LCMT1: variants seen among roughly 807,000 people sequenced by gnomAD.
The protein encoded by LCMT1 is [Phosphatase 2A protein]-leucine-carboxy methyltransferase 1.
LCMT1 carries 32 observed loss-of-function variants against 47.7 expected under a neutral mutation model. The observed-to-expected ratio is 0.67, with a 90% CI of 0.51 to 0.90. The LOEUF is 0.90. Among genes scored for constraint, LCMT1 ranks in the 40% least tolerant of loss-of-function variants. The probability of loss-of-function intolerance (pLI) is 0.00; values close to 1 mark genes in which losing one functional copy is unlikely to be tolerated. For synonymous variants in LCMT1, 152 were observed against 149.7 expected, an observed-to-expected ratio of 1.02 and a Z score of -0.11; for missense variants, 375 against 415.2, an observed-to-expected ratio of 0.90 and a Z score of 0.84.
intron 6 of LCMT1, among the ~76,000 whole-genome samples, chr16:25,163,705 G>C (rs1317034470): frequency 6.6e-6 from 1 of 152,168 alleles, no homozygotes; most frequent in East Asian, 1.9e-4. Flanking sequence ...GGAAGCATCT[G>C]ATAGGCCACT....
Position 25,169,176 on chromosome 16 carries a change from T to C in LCMT1, c.755T>C (p.Leu252Pro), listed in dbSNP as rs776945285. 2.7e-5 allele frequency: 43 copies of C among 1,613,376 alleles called. No individual in the cohort carries two copies. The highest frequency in any genetic ancestry group is 3.5e-5 in the Non-Finnish European group (41 of 1,179,638). ...IENLRRRQCD[L>P]AGVETCKSLE... ...AACCTGCGGAGACGCCAGTGTGACC[T>C]GGCGGGAGTGGAGACCTGCAAGTCA... The change falls in exon 8 of 11, where the codon CTG becomes CCG. Residue 252 changes from leucine to proline, a missense_variant. Coordinates refer to ENST00000399069, the MANE Select transcript of LCMT1 (RefSeq NM_016309.3).
intron 4 of LCMT1, among the ~76,000 whole-genome samples, chr16:25,150,454 C>T (rs1256997033): frequency 1.4e-5 from 2 of 147,674 alleles, no homozygotes; most frequent in African/African-American, 5.0e-5. Flanking sequence ...AAGCGATTCT[C>T]CTGCCTCAGC....
At chr16:25,113,423 G>A (rs984110394) in intron 1 of LCMT1, among the ~76,000 whole-genome samples, 2 of 152,202 alleles carry the variant, frequency 1.3e-5, no homozygotes, top group African/African-American at 4.8e-5. Flanking sequence ...TATAAAGTCG[G>A]GGAAATTACT....
chr16:25,151,375 G>A, intron 4 of LCMT1, 179 bp from the exon 5 acceptor site: 4 of 605,742 alleles, frequency 6.6e-6, no homozygotes, highest in South Asian at 6.0e-5. Context: ...TACCGTATGT[G>A]CTTAGGGTCA....
rs1173228613 is a variant in LCMT1 at position 25,123,600 on chromosome 16, C to CTTTTT, written c.114-4854_114-4850dup. On this transcript the variant is annotated intron_variant, in intron 1 of 10. Coordinates refer to ENST00000399069, the MANE Select transcript of LCMT1 (RefSeq NM_016309.3). ...GCTTGACTTCCCGTTAAATTGCTTT[C>CTTTTT]TTTTTTTTTTTTTTTTTTTTTTTTT... 4.4e-3 allele frequency among the ~76,000 whole-genome samples: 279 copies of CTTTTT among 63,516 alleles called. 1 individual carries two copies. Among genetic ancestry groups the CTTTTT allele is most frequent in the East Asian group, 6.8e-3 (14 of 2,062 alleles). 41.7% of individuals were successfully genotyped at this position (63,516 alleles called of 152,430 possible).
rs1962003699 is a variant in LCMT1 at position 25,178,012 on chromosome 16, A to C, written c.994A>C (p.Ile332Leu). The C allele has an allele frequency of 1.2e-6, 2 of 1,613,604 alleles. No homozygotes were observed. Among genetic ancestry groups the C allele is most frequent in the African/African-American group, 2.7e-5 (2 of 74,860 alleles). Residue 332 changes from isoleucine to leucine, a missense_variant, in exon 11 of 11, where the codon ATA (isoleucine) becomes CTA (leucine). Ile to Leu is a conservative substitution (Grantham distance 5, BLOSUM62 2). Coordinates refer to ENST00000399069, the MANE Select transcript of LCMT1 (RefSeq NM_016309.3). ...KGGNELGLKE[I>L]TY is the part of the protein sequence containing the mutation. ...GTCTCTCCCCTCAGGGCTGAAGGAG[A>C]TAACTTATTAATCTGTCGAAGGCTT...
chr16:25,133,974 G>GCC (rs1960428504), intron 3 of LCMT1, among the ~76,000 whole-genome samples: 1 of 150,640 alleles, frequency 6.6e-6, no homozygotes, highest in Non-Finnish European at 1.5e-5. Context: ...TGTGGTTGCA[G>GCC]TGAGTCGAGA....
chr16:25,155,354 G>C (rs188427351), intron 5 of LCMT1, among the ~76,000 whole-genome samples: 1 of 152,166 alleles, frequency 6.6e-6, no homozygotes, highest in Admixed American at 6.5e-5. Context: ...GAGCATTGCT[G>C]AGGGCACCTA....
At chr16:25,140,271 A>G in intron 4 of LCMT1, 24 bp downstream of exon 4, 4 of 1,537,722 alleles carry the variant, frequency 2.6e-6, no homozygotes, top group Non-Finnish European at 3.6e-6. Flanking sequence ...GGCCAGAAGA[A>G]CAAAAGCCAG....
chr16:25,153,655 A>C (rs1961146926), intron 5 of LCMT1, among the ~76,000 whole-genome samples: 1 of 152,178 alleles, frequency 6.6e-6, no homozygotes, highest in African/African-American at 2.4e-5. Flanking sequence ...TGATTTAAAA[A>C]ATTTTCTACC....
chr16:25,150,333 G>GTTTTTTTT (rs35240331), intron 4 of LCMT1, among the ~76,000 whole-genome samples: 7 of 93,526 alleles, frequency 7.5e-5, no homozygotes, highest in Admixed American at 1.3e-4. Context: ...TAGTTTTCTG[G>GTTTTTTTT]TTTTTTTTTT....
At chr16:25,151,658 TG>T (rs749249007) in intron 5 of LCMT1, 43 bp downstream of exon 5, 5 of 1,516,812 alleles carry the variant, frequency 3.3e-6, no homozygotes, top group Admixed American at 1.7e-5. Context: ...TCAGTATTTT[TG>T]CTTCCCACCC....
chr16:25,115,670 C>G (rs1380108563), intron 1 of LCMT1, among the ~76,000 whole-genome samples: 2 of 152,146 alleles, frequency 1.3e-5, no homozygotes, highest in East Asian at 3.8e-4. Context: ...TTAACCTCCC[C>G]CAGAAACTTT....
intron 9 of LCMT1, among the ~76,000 whole-genome samples, chr16:25,174,449 T>C (rs528813625): frequency 1.3e-5 from 2 of 152,344 alleles, no homozygotes; most frequent in South Asian, 2.1e-4. Flanking sequence ...TAGAGAGTGG[T>C]GTAATATGCA....
At chr16:25,161,007 T>A in intron 5 of LCMT1, 95 bp from the exon 6 acceptor site, 1 of 709,310 alleles carries the variant, frequency 1.4e-6, no homozygotes, top group South Asian at 1.8e-5. Context: ...TTAACAATGA[T>A]GCATGTATTT....
chr16:25,158,965 C>T (rs962192781), intron 5 of LCMT1: 1 of 152,138 alleles, frequency 6.6e-6, no homozygotes, highest in Non-Finnish European at 1.5e-5. Context: ...GCGGGTGAGC[C>T]TCAAGTCACT....
At chr16:25,165,238 C>T (rs546531973) in intron 7 of LCMT1, among the ~76,000 whole-genome samples, 1 of 152,314 alleles carries the variant, frequency 6.6e-6, no homozygotes, top group Non-Finnish European at 1.5e-5. Context: ...GTTGGAAATG[C>T]AGGATTTTAA....
chr16:25,125,330 G>A (rs1356206377), intron 1 of LCMT1, among the ~76,000 whole-genome samples: 1 of 152,216 alleles, frequency 6.6e-6, no homozygotes, highest in African/African-American at 2.4e-5. Context: ...TCTGTGTTCA[G>A]TGTTCCTGCA....
intron 1 of LCMT1, among the ~76,000 whole-genome samples, chr16:25,119,278 T>C (rs902634623): frequency 6.6e-6 from 1 of 151,978 alleles, no homozygotes; most frequent in Non-Finnish European, 1.5e-5. Context: ...ACAGACAAGA[T>C]CTAGCTTCTG....
Sources: gnomAD v4.1 joint callset for allele counts (sites outside exome capture counted in the v4.1 genomes callset) on GRCh38, gnomAD v4.1.1 for gene constraint, MANE v1.5 for transcripts, NCBI Gene and HGNC (gene_info 2026-07-23, HGNC 2026-07-21) for gene names.